Variants in SEMA6D observed in about 807,000 individuals in gnomAD.
The protein encoded by SEMA6D is semaphorin-6D.
Under a neutral mutation model 106.6 loss-of-function variants are expected in SEMA6D, and 35 were observed. The observed-to-expected ratio is 0.33, with a 90% CI of 0.25 to 0.44. The LOEUF is 0.44. Among genes scored for constraint, SEMA6D ranks in the 20% least tolerant of loss-of-function variants. The pLI is 1.00. For missense variants in SEMA6D, 1,185 were observed against 1,345.9 expected, an observed-to-expected ratio of 0.88 and a Z score of 1.87; for synonymous variants, 499 against 487.7, an observed-to-expected ratio of 1.02 and a Z score of -0.31.
intron 3 of SEMA6D, among the ~76,000 whole-genome samples, chr15:47,586,887 G>GGT (rs1185270000): frequency 2.6e-5 from 1 of 38,430 alleles, no homozygotes; most frequent in East Asian, 1.1e-3. Flanking sequence ...AAATTTGACA[G>GGT]GTTTTTTTTT....
At chr15:47,683,473 G>C (rs1320924073) in intron 4 of SEMA6D, among the ~76,000 whole-genome samples, 1 of 152,086 alleles carries the variant, frequency 6.6e-6, no homozygotes, top group Non-Finnish European at 1.5e-5. Context: ...AGATAGAAAA[G>C]CTAGTAGTTT....
intron 1 of SEMA6D, among the ~76,000 whole-genome samples, chr15:47,228,901 A>G (rs1265554274): frequency 6.6e-6 from 1 of 152,052 alleles, no homozygotes; most frequent in Non-Finnish European, 1.5e-5. Flanking sequence ...CTCTGTATCC[A>G]TCACAGCTCC....
chr15:47,721,967 G>A (rs1269178974), intron 1 of SEMA6D, among the ~76,000 whole-genome samples: 2 of 152,060 alleles, frequency 1.3e-5, no homozygotes, highest in African/African-American at 4.8e-5. Flanking sequence ...CAGCACAGCT[G>A]GCTACAGCAA....
intron 3 of SEMA6D, among the ~76,000 whole-genome samples, chr15:47,588,231 C>T (rs891830592): frequency 1.3e-5 from 2 of 152,214 alleles, no homozygotes; most frequent in Non-Finnish European, 2.9e-5. Context: ...TCCAAGATTT[C>T]CTGCCCCACT....
At chr15:47,747,034 A>G (rs7178654) in intron 1 of SEMA6D, among the ~76,000 whole-genome samples, 351 of 143,438 alleles carry the variant, frequency 2.4e-3, no homozygotes, top group African/African-American at 8.4e-3. Flanking sequence ...TGTGCATTAT[A>G]CTTTCACAAA....
At chr15:47,735,453 G>A (rs1199831530) in intron 1 of SEMA6D, among the ~76,000 whole-genome samples, 4 of 152,160 alleles carry the variant, frequency 2.6e-5, no homozygotes, top group Non-Finnish European at 5.9e-5. Flanking sequence ...TTGCTACAAA[G>A]TCTGTATTAA....
chr15:47,387,199 A>T (rs948315490), intron 1 of SEMA6D, among the ~76,000 whole-genome samples: 1 of 152,192 alleles, frequency 6.6e-6, no homozygotes, highest in Non-Finnish European at 1.5e-5. Flanking sequence ...TCCAAAGCAT[A>T]TCCCTATCTG....
chr15:47,255,393 C>CT (rs2033753102), intron 1 of SEMA6D, among the ~76,000 whole-genome samples: 1 of 151,550 alleles, frequency 6.6e-6, no homozygotes, highest in East Asian at 1.9e-4. Flanking sequence ...AAGAAAAACT[C>CT]TGTTTCATTG....
chr15:47,312,260 C>T (rs2143095627), intron 1 of SEMA6D, among the ~76,000 whole-genome samples: 1 of 152,052 alleles, frequency 6.6e-6, no homozygotes, highest in South Asian at 2.1e-4. Context: ...CTGTCTCCAT[C>T]ATGTGAACTT....
At chr15:47,644,218 A>G (rs1049886776) in intron 4 of SEMA6D, among the ~76,000 whole-genome samples, 11 of 152,222 alleles carry the variant, frequency 7.2e-5, no homozygotes, top group Admixed American at 3.9e-4. Context: ...AATTTAAAAA[A>G]ATCAGTGTCC....
chr15:47,312,096 A>C (rs1034468528), intron 1 of SEMA6D, among the ~76,000 whole-genome samples: 2 of 151,118 alleles, frequency 1.3e-5, no homozygotes, highest in Non-Finnish European at 1.5e-5. Flanking sequence ...TAAGGTTTAA[A>C]TTGCAGTTGC....
intron 1 of SEMA6D, among the ~76,000 whole-genome samples, chr15:47,339,549 A>G (rs1027347256): frequency 2.0e-5 from 3 of 152,166 alleles, no homozygotes; most frequent in Non-Finnish European, 2.9e-5. Context: ...TGACACATAT[A>G]CTATGCCAGA....
intron 1 of SEMA6D, among the ~76,000 whole-genome samples, chr15:47,210,828 G>T (rs2029924650): frequency 2.0e-5 from 3 of 149,942 alleles, no homozygotes. Flanking sequence ...CGAAAATGAT[G>T]GTCCAGTTAA....
chr15:47,256,427 AGTGTATACTTATGTACTAT>A, intron 1 of SEMA6D, among the ~76,000 whole-genome samples: 1 of 152,302 alleles, frequency 6.6e-6, no homozygotes, highest in South Asian at 2.1e-4. Flanking sequence ...AGTTTTGTTA[AGTGTATACTTATGTACTAT>A]ATATTCTTTG....
chr15:47,490,872 A>G (rs1011562646), intron 3 of SEMA6D, among the ~76,000 whole-genome samples: 2 of 152,232 alleles, frequency 1.3e-5, no homozygotes, highest in African/African-American at 4.8e-5. Flanking sequence ...CATCTAATTA[A>G]TAGTCAGAGA....
At chr15:47,268,235 C>T (rs1266740346) in intron 1 of SEMA6D, among the ~76,000 whole-genome samples, 1 of 152,142 alleles carries the variant, frequency 6.6e-6, no homozygotes. Flanking sequence ...TGAGATATGG[C>T]CTAGGCATGA....
chr15:47,753,134 A>G (rs2081537543), intron 1 of SEMA6D, among the ~76,000 whole-genome samples: 1 of 152,166 alleles, frequency 6.6e-6, no homozygotes, highest in Admixed American at 6.5e-5. Flanking sequence ...GGAGGGAGGA[A>G]TGTAAGTAGC....
intron 1 of SEMA6D, chr15:47,395,443 A>C (rs1567049655): frequency 6.6e-6 from 1 of 152,236 alleles, no homozygotes; most frequent in Non-Finnish European, 1.5e-5. Flanking sequence ...TTTACTGTAC[A>C]TCATTTTTCT....
chr15:47,548,341 T>C (rs1472994082), intron 3 of SEMA6D, among the ~76,000 whole-genome samples: 1 of 152,180 alleles, frequency 6.6e-6, no homozygotes, highest in Non-Finnish European at 1.5e-5. Context: ...TACATGTTTT[T>C]ATTATCTTAA....
Sources: gnomAD v4.1 joint callset for allele counts (sites outside exome capture counted in the v4.1 genomes callset) on GRCh38, gnomAD v4.1.1 for gene constraint, MANE v1.5 for transcripts, NCBI Gene and HGNC (gene_info 2026-07-23, HGNC 2026-07-21) for gene names.